CAP2: variants seen among roughly 807,000 people sequenced by gnomAD.
CAP2 encodes the protein cyclase associated actin cytoskeleton regulatory protein 2.
CAP2 carries 24 observed loss-of-function variants against 57.7 expected under a neutral mutation model. The observed-to-expected ratio is 0.42, with a 90% CI of 0.30 to 0.58. The LOEUF (loss-of-function observed/expected upper bound fraction) is 0.58, where lower values mean the gene tolerates loss of function less well. CAP2 is among the 20% of genes least tolerant of loss of function. CAP2 has a pLI of 0.22. For missense variants in CAP2, 501 were observed against 590.3 expected (o/e 0.85, Z 1.57); for synonymous variants, 194 against 207.2 (o/e 0.94, Z 0.55).
At chr6:17,554,080 A>G (rs1763236558) in intron 12 of CAP2, among the ~76,000 whole-genome samples, 1 of 152,262 alleles carries the variant, frequency 6.6e-6, no homozygotes, top group Non-Finnish European at 1.5e-5. Flanking sequence ...TCATTATAGC[A>G]TGGGCTTTGC....
At chr6:17,464,481 G>A (rs765161232) in intron 4 of CAP2, among the ~76,000 whole-genome samples, 14 of 152,134 alleles carry the variant, frequency 9.2e-5, no homozygotes, top group South Asian at 2.1e-4. Context: ...TCCCTGGAAC[G>A]GACATTCCCA....
At chr6:17,461,059 G>A (rs1445070411) in intron 3 of CAP2, among the ~76,000 whole-genome samples, 1 of 152,106 alleles carries the variant, frequency 6.6e-6, no homozygotes, top group Non-Finnish European at 1.5e-5. Flanking sequence ...TGAGGCAGGA[G>A]GATTGCTTGA....
chr6:17,488,441 A>C (rs1761472802), intron 4 of CAP2, among the ~76,000 whole-genome samples: 1 of 152,188 alleles, frequency 6.6e-6, no homozygotes, highest in African/African-American at 2.4e-5. Context: ...CCCCACTGTA[A>C]CCATTTGTTC....
At chr6:17,499,304 C>T (rs1761740906) in intron 4 of CAP2, among the ~76,000 whole-genome samples, 1 of 143,264 alleles carries the variant, frequency 7.0e-6, no homozygotes, top group Non-Finnish European at 1.5e-5. Context: ...GAGGCTGAGG[C>T]AGGAGAATCG....
chr6:17,402,107 T>G (rs1758832635), intron 1 of CAP2, among the ~76,000 whole-genome samples: 1 of 152,206 alleles, frequency 6.6e-6, no homozygotes, highest in African/African-American at 2.4e-5. Context: ...GCTTTGAGAA[T>G]ATAAAGGTCC....
intron 8 of CAP2, among the ~76,000 whole-genome samples, 181 bp from the exon 9 acceptor site, chr6:17,540,792 T>G (rs1324757544): frequency 2.0e-5 from 3 of 152,196 alleles, no homozygotes; most frequent in Non-Finnish European, 2.9e-5. Context: ...AGTGCTTCTG[T>G]CAACTCTCAA....
chr6:17,556,223 C>A, intron 12 of CAP2, 136 bp from the exon 13 acceptor site: 2 of 646,030 alleles, frequency 3.1e-6, no homozygotes. Context: ...CCCCATGACG[C>A]AGCTTGCAAT....
chr6:17,526,782 A>AC (rs1762520935), intron 7 of CAP2, among the ~76,000 whole-genome samples: 1 of 151,292 alleles, frequency 6.6e-6, no homozygotes, highest in African/African-American at 2.4e-5. Context: ...ACATGGTGAA[A>AC]CCCCGTCTCT....
intron 1 of CAP2, among the ~76,000 whole-genome samples, chr6:17,411,405 C>T (rs1240120841): frequency 6.6e-6 from 1 of 152,216 alleles, no homozygotes; most frequent in Non-Finnish European, 1.5e-5. Flanking sequence ...TCCATATTCA[C>T]CAGCAATGTC....
intron 1 of CAP2, among the ~76,000 whole-genome samples, chr6:17,406,153 T>C (rs1174542164): frequency 1.3e-5 from 2 of 152,108 alleles, no homozygotes; most frequent in African/African-American, 4.8e-5. Flanking sequence ...TCCCCTTCTT[T>C]AGCTCTCGTC....
At chr6:17,541,190 A>T (rs759032951) in intron 9 of CAP2, 42 bp downstream of exon 9, 3 of 1,498,864 alleles carry the variant, frequency 2.0e-6, no homozygotes, top group Middle Eastern at 1.8e-4. Context: ...GACATGCGCC[A>T]ATGAAAGGAC....
chr6:17,448,768 C>CT (rs68005681), intron 3 of CAP2, among the ~76,000 whole-genome samples: 220 of 147,296 alleles, frequency 1.5e-3, no homozygotes, highest in African/African-American at 4.3e-3. Flanking sequence ...TCTACATTAT[C>CT]TTTTTTTTTT....
At chr6:17,461,551 A>T (rs1401497243) in intron 3 of CAP2, among the ~76,000 whole-genome samples, 5 of 151,106 alleles carry the variant, frequency 3.3e-5, no homozygotes, top group South Asian at 2.1e-4. Flanking sequence ...TTCTGCATTT[A>T]AAAAAAAACT....
chr6:17,527,220 G>A (rs1762532843), intron 7 of CAP2, among the ~76,000 whole-genome samples: 1 of 151,756 alleles, frequency 6.6e-6, no homozygotes, highest in East Asian at 1.9e-4. Context: ...TGAATTTAGT[G>A]GTAGTTCAGA....
chr6:17,540,843 G>A (rs1762881689), intron 8 of CAP2, 130 bp from the exon 9 acceptor site: 2 of 780,512 alleles, frequency 2.6e-6, no homozygotes, highest in South Asian at 3.5e-5. Flanking sequence ...CTTGGAGAAA[G>A]CACTAGACTG....
At position 17,461,992 on chromosome 6, in the gene CAP2, C is replaced by CAA. The variant is rs567675285; in HGVS notation, c.223-974_223-973dup. The stretch of plus-strand genomic sequence containing the variant: ...TGGGCAACAGGGCGAGACTCCGTCT[C>CAA]AAAAAAAAAAAAAAAAAAAAAAAAA... On this transcript the variant is annotated intron_variant, in intron 3 of 12. Coordinates refer to ENST00000229922, the MANE Select transcript of CAP2 (RefSeq NM_006366.3). Among the ~76,000 whole-genome samples the CAA allele has an allele frequency of 4.2e-3, 116 of 27,852 alleles. 15 individuals carry two copies. Among genetic ancestry groups the CAA allele is most frequent in the Non-Finnish European group, 0.012 (77 of 6,526 alleles). The allele number at this position is 27,852 out of a possible 152,430, so 18.3% of individuals were successfully genotyped here.
chr6:17,405,295 TCG>T (rs1367982562), intron 1 of CAP2, among the ~76,000 whole-genome samples: 2 of 152,086 alleles, frequency 1.3e-5, no homozygotes, highest in African/African-American at 2.4e-5. Context: ...GGCAGGAGAA[TCG>T]TGTGAACCCA....
intron 4 of CAP2, among the ~76,000 whole-genome samples, chr6:17,498,962 C>T (rs1761733768): frequency 6.6e-6 from 1 of 151,940 alleles, no homozygotes; most frequent in African/African-American, 2.4e-5. Flanking sequence ...ATCTCCTGAC[C>T]TCGTGATCCG....
At chr6:17,521,789 C>G (rs1336361100) in intron 7 of CAP2, among the ~76,000 whole-genome samples, 2 of 152,110 alleles carry the variant, frequency 1.3e-5, no homozygotes, top group African/African-American at 4.8e-5. Context: ...CTGGGGCCAA[C>G]AGCAACCTGG....
Sources: allele counts gnomAD v4.1 joint callset (sites outside exome capture counted in the v4.1 genomes callset), GRCh38; gene constraint gnomAD v4.1.1; transcripts MANE v1.5; gene names NCBI Gene and HGNC (gene_info 2026-07-23, HGNC 2026-07-21).